The following SEC22C variants were observed in gnomAD, a reference collection of about 807,000 sequenced individuals.
SEC22C encodes the protein SEC22 homolog C, vesicle trafficking protein.
In SEC22C, 29 loss-of-function variants were observed where a neutral mutation model predicts 34.7. The observed-to-expected ratio is 0.84, with a 90% CI of 0.62 to 1.14. SEC22C has a LOEUF of 1.14. SEC22C is among the 50% of genes most tolerant of loss of function. The probability of loss-of-function intolerance (pLI) is 0.00; values close to 1 mark genes in which losing one functional copy is unlikely to be tolerated. For synonymous variants in SEC22C, 117 were observed against 132.8 expected, an observed-to-expected ratio of 0.88 and a Z score of 0.82; for missense variants, 337 against 369.0, an observed-to-expected ratio of 0.91 and a Z score of 0.71.
chr3:42,560,628 T>C (rs965607462), intron 4 of SEC22C, among the ~76,000 whole-genome samples: 36 of 151,936 alleles, frequency 2.4e-4, no homozygotes, highest in African/African-American at 8.7e-4. Flanking sequence ...CAATCCACTG[T>C]CATAATAGTC....
upstream of SEC22C, among the ~76,000 whole-genome samples, chr3:42,586,139 T>A (rs777931842): frequency 5.9e-5 from 9 of 152,214 alleles, no homozygotes; most frequent in Non-Finnish European, 1.2e-4. Context: ...CCTTTCATTA[T>A]TTCTCAGTCC....
chr3:42,573,421 A>C (rs1703765139), intron 1 of SEC22C: 1 of 152,372 alleles, frequency 6.6e-6, no homozygotes, highest in Non-Finnish European at 1.5e-5. Flanking sequence ...GATACTTGGG[A>C]GGCTGAGGCA....
rs534212671 is a variant in SEC22C at position 42,552,380 on chromosome 3, G to A, written c.*868C>T. 4.1e-6 allele frequency: 4 copies of A among 985,314 alleles called. No homozygotes were observed. The highest frequency in any genetic ancestry group is 3.5e-5 in the African/African-American group (2 of 57,318). 61.0% of individuals were successfully genotyped at this position (985,314 alleles called of 1,614,324 possible). A position where few individuals can be genotyped will look rare whatever the true frequency, so the allele number is the denominator to read the frequency against. ...CTGATGACAGCAGCCCCTCCCAAGC[G>A]GATCTGTAAAGTGCCACTGAATCCA... On this transcript the variant is annotated 3_prime_UTR_variant, in exon 7 of 7. Transcript: ENST00000264454.
At chr3:42,594,359 C>T (rs905043105) in intron 1 of SEC22C, 1 of 1,308,752 alleles carries the variant, frequency 7.6e-7, no homozygotes, top group Non-Finnish European at 1.1e-6. Context: ...AATTATTTTC[C>T]AGTTTTTTGT....
rs1455045968 is a variant in SEC22C at position 42,568,945 on chromosome 3, C to T, written c.102G>A (p.Arg34=). Residue 34 remains arginine (R), a synonymous_variant, in exon 2 of 7, where the codon AGG becomes AGA. Coordinates refer to ENST00000264454, the MANE Select transcript of SEC22C (RefSeq NM_032970.4). ...GCAAGGCTAAACTCTTGAGCCGTCT[C>T]CTCCATTCCAAAAAATCTTGGGTGT... is the stretch of plus-strand genomic sequence containing the variant. The part of the protein sequence containing the change: ...FYHTQDFLEW[R]RRLKSLALRL... The T allele has an allele frequency of 2.5e-6, 4 of 1,614,080 alleles. No homozygotes were observed. The highest frequency in any genetic ancestry group is 3.4e-6 in the Non-Finnish European group (4 of 1,180,038).
At position 42,549,057 on chromosome 3, in the gene SEC22C, C is replaced by T; in HGVS notation, c.*4191G>A. 5 of 975,878 alleles carry T rather than the reference C, an allele frequency of 5.1e-6. No homozygotes were observed. The highest frequency in any genetic ancestry group is 6.1e-6 in the Non-Finnish European group (5 of 813,592). 60.5% of individuals were successfully genotyped at this position (975,878 alleles called of 1,614,324 possible). On this transcript the variant is annotated 3_prime_UTR_variant, in exon 7 of 7. Coordinates refer to ENST00000264454, the MANE Select transcript of SEC22C (RefSeq NM_032970.4). Reference sequence around the variant, plus strand: ...ACATAGGACTCAGTGAAGAGCCTAGCCAGCTGACGGTCAGCTGACTGGTGC... The same window carrying T: ...ACATAGGACTCAGTGAAGAGCCTAGTCAGCTGACGGTCAGCTGACTGGTGC...
intron 5 of SEC22C, 40 bp downstream of exon 5, chr3:42,557,538 C>G (rs756073412): frequency 1.8e-4 from 157 of 873,686 alleles, no homozygotes; most frequent in Non-Finnish European, 2.5e-4. Context: ...TATCATATGT[C>G]CTTCAATTTA....
chr3:42,596,321 C>T (rs138524625), intron 1 of SEC22C, among the ~76,000 whole-genome samples: 29 of 152,336 alleles, frequency 1.9e-4, no homozygotes, highest in Non-Finnish European at 3.5e-4. Flanking sequence ...CGCGCCCAGC[C>T]GATCATTTCT....
In SEC22C at chr3:42,563,503, T is replaced by C. The variant is rs1432914101; in HGVS notation, c.346+20A>G. On this transcript the variant is annotated intron_variant, in intron 3 of 6. Transcript: ENST00000264454. ...TAACACCATGGAAGAGAAAAATAAA[T>C]ATGAAAGAGGGTTACAAACCAAACT... is the stretch of plus-strand genomic sequence containing the variant. 7 of 1,594,688 alleles carry C rather than the reference T, an allele frequency of 4.4e-6. No individual in the cohort carries two copies. The highest frequency in any genetic ancestry group is 6.0e-6 in the Non-Finnish European group (7 of 1,171,922).
At chr3:42,594,549 G>GGATGTAATTGGA in intron 1 of SEC22C, 1 of 1,543,534 alleles carries the variant, frequency 6.5e-7, no homozygotes, top group Non-Finnish European at 8.9e-7. Flanking sequence ...TTTGGCTGTC[G>GGATGTAATTGGA]TGAGGAGTAA....
chr3:42,585,057 A>G (rs1323835730), upstream of SEC22C, among the ~76,000 whole-genome samples: 1 of 152,198 alleles, frequency 6.6e-6, no homozygotes, highest in African/African-American at 2.4e-5. Context: ...TGAACCTGGG[A>G]GGAGGAGGCT....
intron 2 of SEC22C, 127 bp downstream of exon 2, chr3:42,568,738 A>G (rs1284981314): frequency 1.3e-6 from 1 of 748,350 alleles, no homozygotes; most frequent in African/African-American, 1.8e-5. Context: ...GACACACATG[A>G]TCTCAGACCA....
rs1702079830 is a variant in SEC22C, at chr3:42,548,104, C to T, written c.*5144G>A. The T allele has an allele frequency of 6.5e-6, 1 of 153,760 alleles. No individual in the cohort carries two copies. The highest frequency in any genetic ancestry group is 6.4e-5 in the Admixed American group (1 of 15,616). 9.5% of individuals were successfully genotyped at this position (153,760 alleles called of 1,614,324 possible). On this transcript the variant is annotated 3_prime_UTR_variant, in exon 7 of 7. Coordinates refer to ENST00000264454, the MANE Select transcript of SEC22C (RefSeq NM_032970.4). Reference sequence around the variant, plus strand: ...GTACTACTGAGTTTGTTAAAATGTACCCATTATTTACTCAAAATATTTATT... The same window carrying T: ...GTACTACTGAGTTTGTTAAAATGTATCCATTATTTACTCAAAATATTTATT...
upstream of SEC22C, among the ~76,000 whole-genome samples, chr3:42,584,078 A>G (rs1375320587): frequency 6.6e-6 from 1 of 152,174 alleles, no homozygotes; most frequent in African/African-American, 2.4e-5. Flanking sequence ...CTCAGCCTCC[A>G]TAACTATGTG....
Position 42,591,506 on chromosome 3 carries a change from T to C in SEC22C, c.-28+9454A>G, listed in dbSNP as rs745537618. 9 of 1,607,936 alleles carry C rather than the reference T, an allele frequency of 5.6e-6. No individual in the cohort carries two copies. The East Asian group carries it at 1.3e-4, about 24-fold the overall frequency. ...CTGCGCCCGGCCTGCACTGACCCTT[T>C]CTTTCTCTGATCTTTCAGCTCCTTG... On this transcript the variant is annotated intron_variant, in intron 1 of 6. Coordinates refer to the SEC22C transcript ENST00000417572.
chr3:42,591,393 C>A (rs542538901), intron 1 of SEC22C: 2 of 671,626 alleles, frequency 3.0e-6, no homozygotes, highest in Admixed American at 5.1e-5. Context: ...TGGGGTTTCC[C>A]CATGTTGGCC....
chr3:42,562,873 C>G (rs1482713025), intron 3 of SEC22C, among the ~76,000 whole-genome samples: 1 of 152,164 alleles, frequency 6.6e-6, no homozygotes, highest in Non-Finnish European at 1.5e-5. Context: ...ACTTCTGGGT[C>G]AAGGAACTGT....
In SEC22C at chr3:42,561,189, C is replaced by A; in HGVS notation, c.454G>T (p.Val152Phe). The stretch of plus-strand genomic sequence containing the variant: ...ACATCTGTGTCCTCCAGAGTGAGAA[C>A]CGCTGGAGGCTGCAACTTGAGCTCC... ...QEELKLQPPA[V>F]LTLEDTDVAN... Residue 152 changes from valine (V) to phenylalanine (F), a missense_variant, in exon 4 of 7, where the codon GTT becomes TTT. Val to Phe is a conservative substitution (Grantham distance 50, BLOSUM62 -1). Transcript: ENST00000264454. The A allele has an allele frequency of 6.2e-7, 1 of 1,614,108 alleles. No individual in the cohort carries two copies. Among genetic ancestry groups the A allele is most frequent in the Middle Eastern group, 1.6e-4 (1 of 6,062 alleles).
intron 1 of SEC22C, among the ~76,000 whole-genome samples, chr3:42,592,989 A>C (rs1704904720): frequency 6.6e-6 from 1 of 152,240 alleles, no homozygotes; most frequent in Non-Finnish European, 1.5e-5. Context: ...TTGCATTTCA[A>C]AAATATTGGG....
Sources: allele counts gnomAD v4.1 joint callset (sites outside exome capture counted in the v4.1 genomes callset), GRCh38; gene constraint gnomAD v4.1.1; transcripts MANE v1.5; gene names NCBI Gene and HGNC (gene_info 2026-07-23, HGNC 2026-07-21).